IL1RAPL1: variants seen among roughly 807,000 people sequenced by gnomAD.
IL1RAPL1 encodes interleukin 1 receptor accessory protein like 1, also known as interleukin-1 receptor accessory protein-like 1.
A neutral mutation model predicts 48.4 loss-of-function variants in IL1RAPL1; 3 were observed. That is an observed-to-expected ratio of 0.06 (90% CI 0.03 to 0.16). The LOEUF is 0.16. Among genes scored for constraint, IL1RAPL1 ranks in the 10% least tolerant of loss-of-function variants. The pLI is 1.00. For missense variants in IL1RAPL1, 349 were observed against 530.6 expected, an observed-to-expected ratio of 0.66 and a Z score of 3.36; for synonymous variants, 185 against 187.7, an observed-to-expected ratio of 0.99 and a Z score of 0.12.
chrX:29,339,725 T>C lies in IL1RAPL1; in HGVS notation c.362+56508T>C, dbSNP rs1443033218. Among the ~76,000 whole-genome samples, 35 of 112,137 alleles carry C rather than the reference T, an allele frequency of 3.1e-4. No individual in the cohort carries two copies. In the Admixed American group the frequency reaches 3.3e-3, roughly 11 times the overall value. ...CTAAAGTCCACATTTTATTCAGCTT[T>C]CCTCAGTTTTCCTTAACATTCTTCT... On this transcript the variant is annotated intron_variant, in intron 3 of 10. Transcript: ENST00000378993.
chrX:29,732,153 A>T (rs1927936097), intron 6 of IL1RAPL1, among the ~76,000 whole-genome samples: 1 of 112,151 alleles, frequency 8.9e-6, no homozygotes, highest in South Asian at 3.7e-4. Context: ...GGAATGGCCT[A>T]AATAGGCTTA....
chrX:29,605,001 G>C (rs1923841927), intron 5 of IL1RAPL1, among the ~76,000 whole-genome samples: 2 of 107,802 alleles, frequency 1.9e-5, no homozygotes, highest in African/African-American at 6.8e-5. Context: ...ACGTATTACA[G>C]TTTGGCTAAT....
chrX:28,620,829 A>G (rs1458801618), intron 1 of IL1RAPL1, among the ~76,000 whole-genome samples: 2 of 111,996 alleles, frequency 1.8e-5, no homozygotes, highest in Non-Finnish European at 3.8e-5. Flanking sequence ...AACTTCATTT[A>G]CCTTTTGCTC....
intron 5 of IL1RAPL1, among the ~76,000 whole-genome samples, chrX:29,651,239 G>C (rs184917841): frequency 5.1e-4 from 56 of 110,841 alleles, no homozygotes; most frequent in African/African-American, 1.8e-3. Flanking sequence ...TAAAAATAGA[G>C]CCATAATATG....
chrX:29,812,081 A>T (rs1444538422), intron 6 of IL1RAPL1, among the ~76,000 whole-genome samples: 1 of 111,973 alleles, frequency 8.9e-6, no homozygotes, highest in Non-Finnish European at 1.9e-5. Flanking sequence ...AAAGTTTGAT[A>T]GACAGATTGT....
At chrX:29,397,916 G>C (rs1933938962) in intron 4 of IL1RAPL1, among the ~76,000 whole-genome samples, 2 of 112,273 alleles carry the variant, frequency 1.8e-5, no homozygotes, top group South Asian at 7.3e-4. Context: ...CACACACACA[G>C]TGTAAAAAGT....
At chrX:28,798,955 C>G (rs1915657125) in intron 2 of IL1RAPL1, among the ~76,000 whole-genome samples, 1 of 111,811 alleles carries the variant, frequency 8.9e-6, no homozygotes. Context: ...CATATACTTT[C>G]AAAAATACCC....
intron 2 of IL1RAPL1, among the ~76,000 whole-genome samples, chrX:29,230,410 C>G (rs1267942741): frequency 9.7e-6 from 1 of 102,942 alleles, no homozygotes; most frequent in African/African-American, 3.6e-5. Context: ...TCAGCATTCT[C>G]AGGCGTCTGC....
At chrX:28,946,534 T>C (rs1368364052) in intron 2 of IL1RAPL1, among the ~76,000 whole-genome samples, 1 of 111,471 alleles carries the variant, frequency 9.0e-6, no homozygotes, top group East Asian at 2.8e-4. Flanking sequence ...GACTGCCTGG[T>C]ACCTTTTAAG....
At chrX:28,735,634 T>A (rs1288348151) in intron 1 of IL1RAPL1, among the ~76,000 whole-genome samples, 1 of 109,072 alleles carries the variant, frequency 9.2e-6, no homozygotes, top group African/African-American at 3.3e-5. Context: ...TAGCTGGGTG[T>A]AGTGACACAC....
intron 6 of IL1RAPL1, among the ~76,000 whole-genome samples, chrX:29,824,421 A>G (rs1490266311): frequency 9.0e-6 from 1 of 111,586 alleles, no homozygotes; most frequent in Non-Finnish European, 1.9e-5. Context: ...CATGCTCTCA[A>G]TCCTGAGATG....
chrX:29,863,978 G>C (rs1931643427), intron 6 of IL1RAPL1, among the ~76,000 whole-genome samples: 1 of 111,064 alleles, frequency 9.0e-6, no homozygotes, highest in Non-Finnish European at 1.9e-5. Context: ...GTAGAGACAG[G>C]GTTTCACCAT....
At chrX:28,891,090 G>A (rs1411794383) in intron 2 of IL1RAPL1, among the ~76,000 whole-genome samples, 2 of 111,812 alleles carry the variant, frequency 1.8e-5, no homozygotes, top group South Asian at 3.7e-4. Context: ...TACAAAGTTT[G>A]CAAATGCAGA....
intron 6 of IL1RAPL1, among the ~76,000 whole-genome samples, chrX:29,714,643 C>G (rs902963393): frequency 1.8e-5 from 2 of 111,713 alleles, no homozygotes; most frequent in Non-Finnish European, 3.8e-5. Flanking sequence ...ATTGCTGAAC[C>G]TATTAAAAAC....
intron 2 of IL1RAPL1, among the ~76,000 whole-genome samples, chrX:29,143,319 T>C (rs1257612428): frequency 8.9e-6 from 1 of 111,997 alleles, no homozygotes; most frequent in Non-Finnish European, 1.9e-5. Context: ...GTTCCAGAAT[T>C]TAGAAGATCC....
chrX:29,319,364 A>ATTTTTTTTTTTTTTTTTTTTTT lies in IL1RAPL1; in HGVS notation c.362+36167_362+36168insTTTTTTTTTTTTTTTTTTTTTT, dbSNP rs762918998. Among the ~76,000 whole-genome samples the ATTTTTTTTTTTTTTTTTTTTTT allele has an allele frequency of 5.3e-4, 31 of 58,148 alleles. 4 individuals are homozygous for ATTTTTTTTTTTTTTTTTTTTTT. The highest frequency in any genetic ancestry group is 1.3e-3 in the African/African-American group (18 of 13,681). 50.5% of individuals were successfully genotyped at this position (58,148 alleles called of 115,157 possible). ...ACCCCACTGCATGTAGATAAATTTA[A>ATTTTTTTTTTTTTTTTTTTTTT]TTTTTTTTTTTTTTTTTTTTGTAGA... On this transcript the variant is annotated intron_variant, in intron 3 of 10. Transcript: ENST00000378993.
At chrX:29,826,460 A>G (rs912659839) in intron 6 of IL1RAPL1, among the ~76,000 whole-genome samples, 3 of 111,948 alleles carry the variant, frequency 2.7e-5, no homozygotes, top group African/African-American at 9.7e-5. Context: ...TTGTGCAAGC[A>G]TCATCCATTA....
chrX:29,730,584 C>T (rs1298020069), intron 6 of IL1RAPL1, among the ~76,000 whole-genome samples: 1 of 111,631 alleles, frequency 9.0e-6, no homozygotes, highest in Non-Finnish European at 1.9e-5. Context: ...GGGCCTTATC[C>T]TCTTGTTTCA....
chrX:29,348,843 G>A (rs763410255), intron 3 of IL1RAPL1, among the ~76,000 whole-genome samples: 24 of 111,534 alleles, frequency 2.2e-4, no homozygotes, highest in Non-Finnish European at 3.6e-4. Flanking sequence ...GGAGAGGGGA[G>A]ACTTTGTAGC....
Sources: allele counts gnomAD v4.1 joint callset (sites outside exome capture counted in the v4.1 genomes callset), GRCh38; gene constraint gnomAD v4.1.1; transcripts MANE v1.5; gene names NCBI Gene and HGNC (gene_info 2026-07-23, HGNC 2026-07-21).